Variants in VAV2 observed in about 807,000 individuals in gnomAD.
VAV2 encodes the protein guanine nucleotide exchange factor VAV2.
VAV2 carries 67 observed loss-of-function variants against 132.5 expected under a neutral mutation model. That is an observed-to-expected ratio of 0.51 (90% CI 0.42 to 0.62). VAV2 has a LOEUF of 0.62. VAV2 is among the 20% of genes least tolerant of loss of function. The pLI is 0.00. For synonymous variants in VAV2, 492 were observed against 443.5 expected, an observed-to-expected ratio of 1.11 and a Z score of -1.37; for missense variants, 938 against 1,153.6, an observed-to-expected ratio of 0.81 and a Z score of 2.71.
intron 15 of VAV2, 136 bp from the exon 16 acceptor site, chr9:133,787,396 G>A (rs56135466): frequency 0.038 from 39,645 of 1,047,798 alleles, 980 homozygotes; most frequent in African/African-American, 0.1. Context: ...GGCTGGGGGT[G>A]GGGTGATCAG....
intron 13 of VAV2, 42 bp from the exon 14 acceptor site, chr9:133,789,385 C>A (rs894300818): frequency 6.3e-7 from 1 of 1,597,586 alleles, no homozygotes; most frequent in African/African-American, 1.3e-5. Flanking sequence ...GCTGGAGCAG[C>A]CCCAGTTCTC....
intron 1 of VAV2, among the ~76,000 whole-genome samples, chr9:133,944,515 C>T (rs1841290487): frequency 6.6e-6 from 1 of 152,196 alleles, no homozygotes; most frequent in Admixed American, 6.5e-5. Context: ...TGACCACAGG[C>T]AGGGAGGATG....
At chr9:133,986,459 G>A (rs917383028) in intron 1 of VAV2, among the ~76,000 whole-genome samples, 1 of 152,206 alleles carries the variant, frequency 6.6e-6, no homozygotes, top group Admixed American at 6.5e-5. Flanking sequence ...CATTTGCTGG[G>A]ACAATTGTGG....
At chr9:133,806,623 C>A (rs1835157622) in intron 8 of VAV2, among the ~76,000 whole-genome samples, 1 of 152,142 alleles carries the variant, frequency 6.6e-6, no homozygotes, top group Non-Finnish European at 1.5e-5. Context: ...AGGTCAGAGG[C>A]ACAGACTATA....
chr9:133,806,239 C>A (rs954967638), intron 8 of VAV2, 58 bp from the exon 9 acceptor site: 1 of 1,535,982 alleles, frequency 6.5e-7, no homozygotes, highest in East Asian at 2.4e-5. Context: ...TAGACGGGAG[C>A]GCCGCCCTTA....
intron 2 of VAV2, among the ~76,000 whole-genome samples, chr9:133,897,659 T>C (rs1839267180): frequency 6.6e-6 from 1 of 152,114 alleles, no homozygotes; most frequent in African/African-American, 2.4e-5. Flanking sequence ...CTCTAAGCCC[T>C]CCATTTCCAG....
intron 2 of VAV2, among the ~76,000 whole-genome samples, chr9:133,872,487 G>A (rs1838095675): frequency 6.7e-6 from 1 of 149,804 alleles, no homozygotes; most frequent in Non-Finnish European, 1.5e-5. Flanking sequence ...CAACCAGCAT[G>A]TGGGGGCACA....
intron 5 of VAV2, among the ~76,000 whole-genome samples, chr9:133,811,259 GTC>G (rs1835348811): frequency 6.6e-6 from 1 of 152,262 alleles, no homozygotes; most frequent in South Asian, 2.1e-4. Context: ...GCACCTGCCT[GTC>G]TCTCCCAGCA....
chr9:133,788,235 C>CCCCCCGCCCCCCAA lies in VAV2; in HGVS notation c.1407+118_1407+119insTTGGGGGGCGGGGG. 2.0e-6 allele frequency: 2 copies of CCCCCCGCCCCCCAA among 998,872 alleles called. No individual in the cohort carries two copies. Among genetic ancestry groups the CCCCCCGCCCCCCAA allele is most frequent in the Non-Finnish European group, 1.5e-6 (1 of 680,472 alleles). 61.9% of individuals were successfully genotyped at this position (998,872 alleles called of 1,614,324 possible). A position where few individuals can be genotyped will look rare whatever the true frequency, so the allele number is the denominator to read the frequency against. ...CAGAGCGGAGACGCCCACCCCAACC[C>CCCCCCGCCCCCCAA]ACCCGGCCAGCATCAGCGGCTGACT... On this transcript the variant is annotated intron_variant, in intron 15 of 29. Transcript: ENST00000371850. This position sits in a 1 kb window ranked among gnomAD's most constrained non-coding sequence, Gnocchi z 5.3.
At chr9:133,860,717 C>G (rs1837561570) in intron 3 of VAV2, among the ~76,000 whole-genome samples, 2 of 152,196 alleles carry the variant, frequency 1.3e-5, no homozygotes, top group South Asian at 4.1e-4. Context: ...AGACACACGT[C>G]CCCACCCAAT....
At chr9:133,812,324 C>T (rs916643160) in intron 4 of VAV2, 108 bp from the exon 5 acceptor site, 50 of 1,029,588 alleles carry the variant, frequency 4.9e-5, no homozygotes, top group Middle Eastern at 5.5e-4. Context: ...GGGGCCACAG[C>T]GAGGTCACCT....
At position 133,804,922 on chromosome 9, in the gene VAV2, G is replaced by A. The variant is rs996894827; in HGVS notation, c.836+1159C>T. 6.6e-6 allele frequency among the ~76,000 whole-genome samples: 1 copy of A among 152,182 alleles called. No individual in the cohort carries two copies. The highest frequency in any genetic ancestry group is 2.4e-5 in the African/African-American group (1 of 41,442). On this transcript the variant is annotated intron_variant, in intron 9 of 29. Coordinates refer to ENST00000371850, the MANE Select transcript of VAV2 (RefSeq NM_001134398.2). This position sits in a 1 kb window ranked among gnomAD's most constrained non-coding sequence, Gnocchi z 4.5. The stretch of plus-strand genomic sequence containing the variant: ...CCACAAGCACTGCCTGCTCCCTCGT[G>A]TCTCCGGGAACCCTCCAAGCCATGG...
At chr9:133,861,227 A>G (rs1837580785) in intron 3 of VAV2, 147 bp downstream of exon 3, 2 of 868,968 alleles carry the variant, frequency 2.3e-6, no homozygotes, top group Admixed American at 3.7e-5. Flanking sequence ...GCAGCCGCCA[A>G]CGGGTTACGC....
At position 133,991,436 on chromosome 9, in the gene VAV2, G is replaced by A. The variant is rs529421468; in HGVS notation, c.204+639C>T. Among the ~76,000 whole-genome samples the A allele has an allele frequency of 1.3e-5, 2 of 150,844 alleles. No homozygotes were observed. The highest frequency in any genetic ancestry group is 1.9e-4 in the East Asian group (1 of 5,182). ...GTGTTGGGAAAGCGATGGGGGCCAG[G>A]ACTGGGGCCAAGTGGCCCTGGGGAT... On this transcript the variant is annotated intron_variant, in intron 1 of 29. Coordinates refer to ENST00000371850, the MANE Select transcript of VAV2 (RefSeq NM_001134398.2). The surrounding 1 kb of genome is among the most constrained non-coding windows in gnomAD (Gnocchi z 4.8).
At position 133,802,362 on chromosome 9, in the gene VAV2, A is replaced by G. The variant is rs548030146; in HGVS notation, c.836+3719T>C. On this transcript the variant is annotated intron_variant, in intron 9 of 29. Coordinates refer to ENST00000371850, the MANE Select transcript of VAV2 (RefSeq NM_001134398.2). The surrounding 1 kb of genome is among the most constrained non-coding windows in gnomAD (Gnocchi z 5.8). ...CACACACACACACACACACGACTTC[A>G]TGCATTCCTGGTCTGGTTGGAGCAC... 2.0e-5 allele frequency among the ~76,000 whole-genome samples: 3 copies of G among 149,900 alleles called. No homozygotes were observed. The highest frequency in any genetic ancestry group is 7.4e-5 in the African/African-American group (3 of 40,662).
At chr9:133,871,608 C>T (rs564509597) in intron 2 of VAV2, among the ~76,000 whole-genome samples, 4 of 152,080 alleles carry the variant, frequency 2.6e-5, no homozygotes, top group Non-Finnish European at 4.4e-5. Context: ...GAGCCCCTGA[C>T]GGCAGCCTCA....
chr9:133,922,030 G>A (rs72764805), intron 2 of VAV2, among the ~76,000 whole-genome samples: 10,033 of 152,314 alleles, frequency 0.066, 631 homozygotes, highest in African/African-American at 0.16. Context: ...TGGTGCAGAC[G>A]CCATGCATGC....
At chr9:133,907,398 C>T (rs1167447421) in intron 2 of VAV2, among the ~76,000 whole-genome samples, 1 of 152,254 alleles carries the variant, frequency 6.6e-6, no homozygotes, top group East Asian at 1.9e-4. Context: ...CCGATCCTGG[C>T]TGGCACTTGT....
chr9:133,938,670 A>C (rs142447128), intron 2 of VAV2, among the ~76,000 whole-genome samples: 116 of 152,244 alleles, frequency 7.6e-4, no homozygotes, highest in African/African-American at 2.8e-3. Flanking sequence ...CAGAGCACAC[A>C]GTAGGCGCTT....
Sources: gnomAD v4.1 joint callset for allele counts (sites outside exome capture counted in the v4.1 genomes callset) on GRCh38, gnomAD v4.1.1 for gene constraint, Gnocchi (gnomAD v3.1) non-coding constraint, MANE v1.5 for transcripts, NCBI Gene and HGNC (gene_info 2026-07-23, HGNC 2026-07-21) for gene names.